Variants in SLC36A1 observed in about 807,000 individuals in gnomAD.
SLC36A1 encodes the protein solute carrier family 36 member 1.
In SLC36A1, 30 loss-of-function variants were observed where a neutral mutation model predicts 47.5. The ratio of observed to expected loss-of-function variants is 0.63; its 90% CI spans 0.47 to 0.86. SLC36A1 has a LOEUF of 0.86. Among genes scored for constraint, SLC36A1 ranks in the 40% least tolerant of loss-of-function variants. The pLI is 0.00. For synonymous variants in SLC36A1, 255 were observed against 249.7 expected (o/e 1.02, Z -0.20); for missense variants, 517 against 606.0 (o/e 0.85, Z 1.54).
chr5:151,389,237 A>G, the SLC36A1 span, among the ~76,000 whole-genome samples: 2 of 152,082 alleles, frequency 1.3e-5, no homozygotes, highest in African/African-American at 4.8e-5. Context: ...TGAAGCATGC[A>G]ATACACCTTC....
At chr5:151,405,377 T>TGTTG in the SLC36A1 span, among the ~76,000 whole-genome samples, 20 of 121,952 alleles carry the variant, frequency 1.6e-4, no homozygotes, top group Non-Finnish European at 2.6e-4. Context: ...TGAGATAGGG[T>TGTTG]GTTGCTCTGT....
chr5:151,434,767 A>G (rs1382273150), upstream of SLC36A1, among the ~76,000 whole-genome samples: 3 of 152,148 alleles, frequency 2.0e-5, no homozygotes, highest in African/African-American at 7.2e-5. Context: ...GCTCTTTGCC[A>G]TGTGAGGATA....
chr5:151,487,007 C>T (rs1209414963), intron 10 of SLC36A1, among the ~76,000 whole-genome samples: 1 of 152,142 alleles, frequency 6.6e-6, no homozygotes, highest in African/African-American at 2.4e-5. Flanking sequence ...AGTTAATATC[C>T]CCATTTTGCC....
At chr5:151,554,424 G>A in the SLC36A1 span, 5 of 1,614,204 alleles carry the variant, frequency 3.1e-6, no homozygotes, top group Non-Finnish European at 3.4e-6. Context: ...CCTGTGACCA[G>A]GTCGATACTG....
At chr5:151,512,182 G>A in the SLC36A1 span, 3 of 1,613,598 alleles carry the variant, frequency 1.9e-6, no homozygotes, top group South Asian at 1.1e-5. This position sits in a 1 kb window ranked among gnomAD's most constrained non-coding sequence, Gnocchi z 4.1. Context: ...ATGGGTCCAT[G>A]AGCACTTCCC....
At chr5:151,523,599 G>A in the SLC36A1 span, among the ~76,000 whole-genome samples, 24 of 152,302 alleles carry the variant, frequency 1.6e-4, no homozygotes, top group East Asian at 4.1e-3. Flanking sequence ...TGGTGATGAT[G>A]CCAGTCATTA....
chr5:151,544,293 G>A, the SLC36A1 span: 1 of 1,614,180 alleles, frequency 6.2e-7, no homozygotes. Flanking sequence ...AGATGGAAGT[G>A]GTATAGACCA....
chr5:151,480,540 G>A (rs569690190), intron 10 of SLC36A1, among the ~76,000 whole-genome samples: 3 of 152,310 alleles, frequency 2.0e-5, no homozygotes, highest in Admixed American at 2.0e-4. Context: ...AACAGCCCAC[G>A]CAGCAGCTAA....
upstream of SLC36A1, among the ~76,000 whole-genome samples, chr5:151,446,641 T>C (rs1188194108): frequency 2.0e-5 from 3 of 152,250 alleles, no homozygotes; most frequent in Middle Eastern, 3.2e-3. Context: ...AGAATATTAA[T>C]ATGATTTCAA....
intron 7 of SLC36A1, among the ~76,000 whole-genome samples, chr5:151,470,551 T>C (rs1330747547): frequency 1.3e-5 from 2 of 152,234 alleles, no homozygotes; most frequent in African/African-American, 4.8e-5. Context: ...GCCGTCTGCC[T>C]GGAGTACAGC....
the SLC36A1 span, chr5:151,511,611 A>T: frequency 6.4e-6 from 1 of 156,654 alleles, no homozygotes; most frequent in African/African-American, 2.4e-5. Context: ...GTGCGTGTAC[A>T]TCATGGAGTA....
the SLC36A1 span, among the ~76,000 whole-genome samples, chr5:151,388,971 A>G: frequency 2.6e-5 from 4 of 152,200 alleles, no homozygotes; most frequent in Admixed American, 2.6e-4. Context: ...AAAAATAGAA[A>G]AAAAACCCCA....
At position 151,488,232 on chromosome 5, in the gene SLC36A1, A is replaced by C. The variant is rs140057648; in HGVS notation, c.1409A>C (p.Asn470Thr). The change falls in exon 11 of 11, where the codon AAT becomes ACT. Residue 470 changes from asparagine to threonine, a missense_variant. Coordinates refer to ENST00000243389, the MANE Select transcript of SLC36A1 (RefSeq NM_078483.4). The part of the protein sequence containing the change: ...IQPSNAPIFI[N>T]STCAFI ...CCAAGCAATGCTCCCATCTTCATCA[A>C]TTCCACCTGTGCCTTCATATAGGGA... 2 of 1,613,890 alleles carry C rather than the reference A, an allele frequency of 1.2e-6. No individual in the cohort carries two copies. Among genetic ancestry groups the C allele is most frequent in the African/African-American group, 1.3e-5 (1 of 74,880 alleles).
the SLC36A1 span, chr5:151,527,923 A>G: frequency 2.6e-6 from 4 of 1,558,126 alleles, no homozygotes; most frequent in African/African-American, 1.4e-5. Context: ...ACAGCGATTC[A>G]TCTTCTGGAC....
At chr5:151,454,174 G>T (rs529426823) in intron 1 of SLC36A1, among the ~76,000 whole-genome samples, 2 of 145,880 alleles carry the variant, frequency 1.4e-5, no homozygotes, top group South Asian at 4.3e-4. Flanking sequence ...ATCTAATGGA[G>T]ATTTGGACTT....
chr5:151,521,921 G>C, the SLC36A1 span: 1 of 1,613,904 alleles, frequency 6.2e-7, no homozygotes, highest in Non-Finnish European at 8.5e-7. Flanking sequence ...TGGGGGTCTC[G>C]GTCTGTGGCA....
chr5:151,397,528 T>C, the SLC36A1 span, among the ~76,000 whole-genome samples: 64,461 of 152,028 alleles, frequency 0.42, 14,041 homozygotes, highest in African/African-American at 0.53. Flanking sequence ...GGCTCATGCC[T>C]GTAATCCCAG....
the SLC36A1 span, among the ~76,000 whole-genome samples, chr5:151,405,359 T>A: frequency 6.9e-6 from 1 of 145,362 alleles, no homozygotes; most frequent in Non-Finnish European, 1.5e-5. Context: ...TTTTTTTTTT[T>A]TTTTTTTTGA....
Position 151,484,696 on chromosome 5 carries a change from TTTA to T in SLC36A1, c.1160-3281_1160-3279del, listed in dbSNP as rs1362829415. ...AGGGACTGGTGATAATATTGAAGCA[TTTA>T]TTATTGGTTTTTAGAACGCTGAGTT... On this transcript the variant is annotated intron_variant, in intron 10 of 10. Coordinates refer to ENST00000243389, the MANE Select transcript of SLC36A1 (RefSeq NM_078483.4). Among the ~76,000 whole-genome samples, 12 of 152,290 alleles carry T rather than the reference TTTA, an allele frequency of 7.9e-5. 1 individual carries two copies. In the South Asian group the frequency reaches 2.3e-3, roughly 29 times the overall value.
Sources: allele counts gnomAD v4.1 joint callset (sites outside exome capture counted in the v4.1 genomes callset), GRCh38; gene constraint gnomAD v4.1.1; non-coding constraint Gnocchi (gnomAD v3.1); transcripts MANE v1.5; gene names NCBI Gene and HGNC (gene_info 2026-07-23, HGNC 2026-07-21).